SFI1: variants seen among roughly 807,000 people sequenced by gnomAD.
SFI1 encodes SFI1 centrin binding protein.
In SFI1, 195 loss-of-function variants were observed where a neutral mutation model predicts 207.5. The observed-to-expected ratio is 0.94, with a 90% CI of 0.84 to 1.06. SFI1 has a LOEUF of 1.06. SFI1 is among the 50% of genes least tolerant of loss of function. The pLI, the probability that SFI1 is intolerant of heterozygous loss-of-function variation, is 0.00. For synonymous variants in SFI1, 630 were observed against 598.9 expected (o/e 1.05, Z -0.76); for missense variants, 1,634 against 1,588.0 (o/e 1.03, Z -0.49).
chr22:31,592,927 G>T (rs1015577436), intron 15 of SFI1, among the ~76,000 whole-genome samples: 2 of 119,454 alleles, frequency 1.7e-5, no homozygotes, highest in Non-Finnish European at 3.5e-5. Flanking sequence ...TCCCAGTAGG[G>T]GCGGCCGGGC....
chr22:31,561,696 T>C (rs1376616655), intron 8 of SFI1, among the ~76,000 whole-genome samples: 1 of 152,232 alleles, frequency 6.6e-6, no homozygotes, highest in East Asian at 1.9e-4. Flanking sequence ...ATTTCCTCGT[T>C]GCTGTTTTCC....
intron 2 of SFI1, among the ~76,000 whole-genome samples, chr22:31,508,960 A>G (rs552097313): frequency 6.6e-6 from 1 of 151,994 alleles, no homozygotes; most frequent in South Asian, 2.1e-4. Flanking sequence ...TATGTCATCT[A>G]TTTTCTTGTG....
intron 5 of SFI1, among the ~76,000 whole-genome samples, chr22:31,548,598 G>A (rs1190774018): frequency 6.7e-6 from 1 of 149,712 alleles, no homozygotes; most frequent in Non-Finnish European, 1.5e-5. Context: ...AGTCGAGATC[G>A]CACCACTGTA....
chr22:31,530,490 A>AG (rs2058403994), intron 3 of SFI1: 1 of 95,404 alleles, frequency 1.0e-5, no homozygotes, highest in Non-Finnish European at 2.0e-5. Flanking sequence ...ACTCTGTCTC[A>AG]AAAAAAAAAA....
chr22:31,521,935 T>C (rs1418741172), intron 2 of SFI1, among the ~76,000 whole-genome samples: 1 of 151,894 alleles, frequency 6.6e-6, no homozygotes, highest in Admixed American at 6.6e-5. Context: ...GGCTAACTTT[T>C]TGTATTTTTA....
At chr22:31,594,006 C>G (rs143062639) in intron 15 of SFI1, among the ~76,000 whole-genome samples, 656 of 3,344 alleles carry the variant, frequency 0.2, 13 homozygotes, top group Non-Finnish European at 0.27. Flanking sequence ...GGGAGAGGGA[C>G]AGGGAGAGGG....
intron 11 of SFI1, 95 bp from the exon 12 acceptor site, chr22:31,580,177 G>C: frequency 1.2e-6 from 1 of 858,016 alleles, no homozygotes; most frequent in Non-Finnish European, 1.9e-6. Context: ...GCTTCTCCCC[G>C]CTGATTTGAG....
In SFI1 at chr22:31,616,612, A is replaced by C; in HGVS notation, c.3301-133A>C. 4.2e-6 allele frequency: 4 copies of C among 941,488 alleles called. No homozygotes were observed. The South Asian group carries it at 7.2e-5, about 17-fold the overall frequency. The allele number at this position is 941,488 out of a possible 1,614,324, so 58.3% of individuals were successfully genotyped here. On this transcript the variant is annotated intron_variant, in intron 29 of 32. Transcript: ENST00000400288. ...GAGCTGGCACGGCCAGTGCCTGGGAAGCCCAGCTCCTGCAGCTGGGAGCCT... is the reference window on the plus strand; with the variant it reads ...GAGCTGGCACGGCCAGTGCCTGGGACGCCCAGCTCCTGCAGCTGGGAGCCT...
intron 15 of SFI1, 102 bp downstream of exon 15, chr22:31,589,679 G>A: frequency 7.6e-7 from 1 of 1,314,764 alleles, no homozygotes; most frequent in Non-Finnish European, 1.0e-6. Context: ...CCAGACCCCA[G>A]GCCCTAGTAC....
intron 15 of SFI1, among the ~76,000 whole-genome samples, chr22:31,595,189 GGTTTCACCAT>G (rs2066918774): frequency 6.6e-6 from 1 of 151,764 alleles, no homozygotes; most frequent in Non-Finnish European, 1.5e-5. Context: ...GTAGGGACGG[GGTTTCACCAT>G]GTTGGCCAGG....
Position 31,496,625 on chromosome 22 carries a change from TCGGCTTCCCCAGGTACGAGGCC to T in SFI1, c.-38_-31+14del, listed in dbSNP as rs2052684964. On this transcript the variant is annotated splice_donor_variant and splice_donor_5th_base_variant and 5_prime_UTR_variant and intron_variant, in exon 1 of 33. Coordinates refer to ENST00000400288, the MANE Select transcript of SFI1 (RefSeq NM_001007467.3). LOFTEE classifies it low-confidence loss of function (5UTR_SPLICE). ...TTCTCCCAACGTCAGGCCCGATGGCTCGGCTTCCCCAGGTACGAGGCCCGGCCCTAACGTCCCCACCCTCTTC... is the reference window on the plus strand; with the variant it reads ...TTCTCCCAACGTCAGGCCCGATGGCTCGGCCCTAACGTCCCCACCCTCTTC... The T allele has an allele frequency of 6.6e-6, 1 of 152,212 alleles. No homozygotes were observed. The highest frequency in any genetic ancestry group is 6.5e-5 in the Admixed American group (1 of 15,282). The allele number at this position is 152,212 out of a possible 1,614,324, so 9.4% of individuals were successfully genotyped here.
chr22:31,613,275 T>G (rs2070717351), intron 25 of SFI1, 59 bp downstream of exon 25: 1 of 1,608,904 alleles, frequency 6.2e-7, no homozygotes, highest in African/African-American at 1.3e-5. Flanking sequence ...AGCCCTGCCT[T>G]GGGTGGAGGG....
chr22:31,531,065 G>A lies in SFI1; in HGVS notation c.274G>A (p.Ala92Thr), dbSNP rs959757694. ...TTTTTTTCCTTCTTTCAGATGCGTG[G>A]CCAGAAAGTTCTTATATTTATGGAT... ...RLRELRIRCV[A>T]RKFLYLWIRM... The change falls in exon 4 of 33, where the codon GCC becomes ACC. Residue 92 changes from alanine (A) to threonine (T), a missense_variant. Transcript: ENST00000400288. 2.5e-6 allele frequency: 4 copies of A among 1,611,384 alleles called. No homozygotes were observed. In the African/African-American group the frequency reaches 5.4e-5, roughly 22 times the overall value.
At chr22:31,511,747 G>A (rs990516944) in intron 2 of SFI1, among the ~76,000 whole-genome samples, 3 of 152,084 alleles carry the variant, frequency 2.0e-5, no homozygotes, top group East Asian at 1.9e-4. Context: ...TCTGCCTCCC[G>A]GGTTCAGTGA....
Position 31,599,637 on chromosome 22 carries a change from AT to A in SFI1, c.1545-2566del, listed in dbSNP as rs200497828. 2.2e-3 allele frequency among the ~76,000 whole-genome samples: 320 copies of A among 146,736 alleles called. 4 individuals are homozygous for A. Among genetic ancestry groups the A allele is most frequent in the African/African-American group, 7.5e-3 (296 of 39,610 alleles). ...GAGCCACCGTGCCTAGCCCAGACTA[AT>A]TTTTTTTTCTAATTTTTTGTAGAAA... On this transcript the variant is annotated intron_variant, in intron 15 of 32. Transcript: ENST00000400288.
chr22:31,537,852 T>A (rs1569246716), intron 4 of SFI1, among the ~76,000 whole-genome samples: 1 of 152,184 alleles, frequency 6.6e-6, no homozygotes, highest in Non-Finnish European at 1.5e-5. Flanking sequence ...TTTTTAGGCT[T>A]TTTCCATACT....
chr22:31,549,982 T>A (rs889980982), intron 5 of SFI1, among the ~76,000 whole-genome samples: 2 of 151,920 alleles, frequency 1.3e-5, no homozygotes, highest in African/African-American at 4.8e-5. Flanking sequence ...CAGGCTGGAG[T>A]GCAGTGGCAT....
At position 31,618,137 on chromosome 22, in the gene SFI1, A is replaced by G. The variant is rs571146351; in HGVS notation, c.3535A>G (p.Ser1179Gly). The G allele has an allele frequency of 7.1e-5, 113 of 1,582,606 alleles. No individual in the cohort carries two copies. Among genetic ancestry groups the G allele is most frequent in the Non-Finnish European group, 9.1e-5 (106 of 1,166,456 alleles). The change falls in exon 32 of 33, where the codon AGC (serine) becomes GGC (glycine). Residue 1179 changes from serine (S) to glycine (G), a missense_variant. Ser to Gly is a moderately conservative substitution (Grantham distance 56). Transcript: ENST00000400288. The part of the protein sequence containing the change: ...NLWSCRRQAS[S>G]LRRWLELNRE... ...CAGGTCCTGTCGGCGGCAAGCGAGCAGCCTGCGCAGGTGGCTGGAGCTGAA... is the reference window on the plus strand; with the variant it reads ...CAGGTCCTGTCGGCGGCAAGCGAGCGGCCTGCGCAGGTGGCTGGAGCTGAA...
chr22:31,534,495 G>C (rs1602277412), intron 4 of SFI1, among the ~76,000 whole-genome samples: 1 of 151,954 alleles, frequency 6.6e-6, no homozygotes. Flanking sequence ...GAACGTCCCA[G>C]GGTATTCTCT....
Sources: gnomAD v4.1 joint callset for allele counts (sites outside exome capture counted in the v4.1 genomes callset) on GRCh38, gnomAD v4.1.1 for gene constraint, MANE v1.5 for transcripts, NCBI Gene and HGNC (gene_info 2026-07-23, HGNC 2026-07-21) for gene names.